The following DNAH2 variants were observed in gnomAD, a reference collection of about 807,000 sequenced individuals.
DNAH2 encodes axonemal beta dynein heavy chain 2.
A neutral mutation model predicts 523.5 loss-of-function variants in DNAH2; 323 were observed. That is an observed-to-expected ratio of 0.62 (90% CI 0.56 to 0.68). The LOEUF is 0.68. Ranked by LOEUF, DNAH2 falls within the 30% of genes least tolerant of loss-of-function variation. DNAH2 has a pLI of 0.00. For synonymous variants in DNAH2, 2,093 were observed against 2,177.4 expected (o/e 0.96, Z 1.08); for missense variants, 4,907 against 5,701.5 (o/e 0.86, Z 4.49).
At chr17:7,729,179 A>G (rs1406794226) in intron 4 of DNAH2, among the ~76,000 whole-genome samples, 1 of 152,150 alleles carries the variant, frequency 6.6e-6, no homozygotes, top group Non-Finnish European at 1.5e-5. Flanking sequence ...ATGGGAGACC[A>G]ATGAAAAACA....
In DNAH2 at chr17:7,809,027, A is replaced by G. The variant is rs946573753; in HGVS notation, c.9729+1441A>G. Reference sequence around the variant, plus strand: ...TCCAGTGGGTAGCTACAGGGACACCATCATTTATTTAACTGTTCCCCATTT... The same window carrying G: ...TCCAGTGGGTAGCTACAGGGACACCGTCATTTATTTAACTGTTCCCCATTT... On this transcript the variant is annotated intron_variant, in intron 63 of 85. Transcript: ENST00000572933. 2.0e-5 allele frequency among the ~76,000 whole-genome samples: 3 copies of G among 152,302 alleles called. No homozygotes were observed. In the East Asian group the frequency reaches 5.8e-4, roughly 29 times the overall value.
chr17:7,824,829 T>G (rs1255153494), intron 77 of DNAH2, 102 bp downstream of exon 77: 1 of 1,096,936 alleles, frequency 9.1e-7, no homozygotes, highest in Non-Finnish European at 1.2e-6. Context: ...ATGATTTGAT[T>G]GTCCTCAAAA....
intron 39 of DNAH2, among the ~76,000 whole-genome samples, chr17:7,783,324 G>A (rs2076652166): frequency 6.6e-6 from 1 of 152,100 alleles, no homozygotes; most frequent in African/African-American, 2.4e-5. Context: ...TGATCCGCCT[G>A]CCTCAGCCTC....
intron 3 of DNAH2, among the ~76,000 whole-genome samples, chr17:7,725,104 T>A (rs570520430): frequency 1.3e-5 from 2 of 151,892 alleles, no homozygotes; most frequent in East Asian, 3.9e-4. Context: ...TATTATTATT[T>A]TTTGAGACAG....
chr17:7,833,593 T>G lies in DNAH2; in HGVS notation c.*60T>G. 2 of 1,603,512 alleles carry G rather than the reference T, an allele frequency of 1.2e-6. No homozygotes were observed. On this transcript the variant is annotated 3_prime_UTR_variant, in exon 86 of 86. Coordinates refer to ENST00000572933, the MANE Select transcript of DNAH2 (RefSeq NM_020877.5). ...CAGGGACTCCAGGAGCTAAGACAGA[T>G]GTTGCACCTAGGACTGAGGCCGGAC... is the stretch of plus-strand genomic sequence containing the variant.
chr17:7,763,130 C>A (rs1160415446), intron 18 of DNAH2, among the ~76,000 whole-genome samples: 1 of 152,000 alleles, frequency 6.6e-6, no homozygotes, highest in Non-Finnish European at 1.5e-5. Context: ...TGCCCGCCAC[C>A]ACACCCAGCT....
intron 77 of DNAH2, among the ~76,000 whole-genome samples, chr17:7,826,600 C>T (rs1383330294): frequency 7.5e-6 from 1 of 133,114 alleles, no homozygotes; most frequent in Non-Finnish European, 1.5e-5. Context: ...AGCGCAGTGG[C>T]GCCATCTCGG....
Position 7,805,036 on chromosome 17 carries a change from C to T in DNAH2, c.9262C>T (p.Leu3088=). ...ACTGGCTGACAATGCCCAGAAAGAT[C>T]TAGAAGAGGCACTGCCCGCCCTGGA... ...QALADNAQKD[L]EEALPALEEA... The change falls in exon 60 of 86, where the codon CTA becomes TTA. Residue 3088 remains leucine (L), a synonymous_variant. Coordinates refer to ENST00000572933, the MANE Select transcript of DNAH2 (RefSeq NM_020877.5). The T allele has an allele frequency of 6.2e-7, 1 of 1,614,166 alleles. No homozygotes were observed. Among genetic ancestry groups the T allele is most frequent in the Non-Finnish European group, 8.5e-7 (1 of 1,180,044 alleles).
chr17:7,724,745 T>TTTTTTC (rs1479670357), intron 3 of DNAH2, among the ~76,000 whole-genome samples: 1 of 148,218 alleles, frequency 6.7e-6, no homozygotes, highest in East Asian at 2.0e-4. Flanking sequence ...TATGTTACTT[T>TTTTTTC]TTTTTTTTTT....
At position 7,727,159 on chromosome 17, in the gene DNAH2, T is replaced by G; in HGVS notation, c.266T>G (p.Leu89Arg). 6.3e-7 allele frequency: 1 copy of G among 1,596,002 alleles called. No homozygotes were observed. The highest frequency in any genetic ancestry group is 1.4e-5 in the African/African-American group (1 of 73,904). Residue 89 changes from leucine to arginine, a missense_variant, in exon 4 of 86, where the codon CTG becomes CGG. Around this residue, in one of 3 missense-constraint regions of DNAH2, gnomAD observed 2,806 missense variants for 3,190.8 expected, o/e 0.88. Transcript: ENST00000572933. ...CTTTCCCGAGCTGCGCTGACAGGAC[T>G]GGCGGATGCAGTGTGGACACAGGAG... Reference protein sequence around the residue: ...LFLSRAALTGLADAVWTQEHD... With the variant: ...LFLSRAALTGRADAVWTQEHD...
chr17:7,721,908 G>T (rs1474753237), intron 2 of DNAH2, among the ~76,000 whole-genome samples: 2 of 152,174 alleles, frequency 1.3e-5, no homozygotes, highest in African/African-American at 4.8e-5. Flanking sequence ...GAAGAGGAGT[G>T]GGGGAAGATG....
At chr17:7,774,038 C>T (rs1469986204) in intron 28 of DNAH2, among the ~76,000 whole-genome samples, 1 of 152,150 alleles carries the variant, frequency 6.6e-6, no homozygotes, top group Non-Finnish European at 1.5e-5. Context: ...CCAGAAGATT[C>T]ATTCTTACTG....
intron 12 of DNAH2, among the ~76,000 whole-genome samples, chr17:7,753,897 G>A (rs1459928671): frequency 2.0e-5 from 3 of 152,100 alleles, no homozygotes; most frequent in East Asian, 1.9e-4. Context: ...GCAGTGAGCC[G>A]AGATCGCACC....
At position 7,832,833 on chromosome 17, in the gene DNAH2, A is replaced by G. The variant is rs1345260755; in HGVS notation, c.12904-21A>G. 4 of 1,614,042 alleles carry G rather than the reference A, an allele frequency of 2.5e-6. No individual in the cohort carries two copies. The highest frequency in any genetic ancestry group is 4.5e-5 in the East Asian group (2 of 44,870). On this transcript the variant is annotated intron_variant, in intron 83 of 85. Transcript: ENST00000572933. This position sits in a 1 kb window ranked among gnomAD's most constrained non-coding sequence, Gnocchi z 4.3. ...GTTCTCCTCTTCAGGGTCCTCTCTT[A>G]TTCTCACCTTCAACCCCCAGGTTTC...
intron 35 of DNAH2, among the ~76,000 whole-genome samples, chr17:7,778,862 C>T (rs1280909700): frequency 6.6e-6 from 1 of 152,216 alleles, no homozygotes; most frequent in African/African-American, 2.4e-5. Flanking sequence ...AGCCACTGCG[C>T]CCAGCCACGT....
At chr17:7,792,101 C>T (rs2076913257) in intron 45 of DNAH2, 32 bp downstream of exon 45, 2 of 1,611,092 alleles carry the variant, frequency 1.2e-6, no homozygotes, top group African/African-American at 1.3e-5. Context: ...CCTATTTGCC[C>T]TGTTTTTCCA....
rs772614458 is a variant in DNAH2 at position 7,804,412 on chromosome 17, G to A, written c.9129G>A (p.Glu3043=). The A allele has an allele frequency of 9.9e-6, 16 of 1,614,154 alleles. No individual in the cohort carries two copies. The South Asian group carries it at 1.5e-4, about 16-fold the overall frequency. The change falls in exon 59 of 86, where the codon GAG becomes GAA. Residue 3043 remains glutamate (E), a synonymous_variant. Coordinates refer to ENST00000572933, the MANE Select transcript of DNAH2 (RefSeq NM_020877.5). ...TGGCTGAGTTCCAGAAGCAGTGTGA[G>A]GAGTACCTGGTCATCATTGTGCAGC... ...KKVAEFQKQC[E]EYLVIIVQQK...
intron 63 of DNAH2, among the ~76,000 whole-genome samples, chr17:7,810,128 A>G (rs2077473943): frequency 6.7e-6 from 1 of 149,814 alleles, no homozygotes. Context: ...CAGTGGCGCA[A>G]TCACGACTCA....
At position 7,718,624 on chromosome 17, in the gene DNAH2, T is replaced by C. The variant is rs1173697034; in HGVS notation, c.-190T>C. ...CATGACACAATTTGAAATTTATGATTGGATGACTTTTGTCCTTCTTTCTTC... is the reference window on the plus strand; with the variant it reads ...CATGACACAATTTGAAATTTATGATCGGATGACTTTTGTCCTTCTTTCTTC... On this transcript the variant is annotated 5_prime_UTR_variant, in exon 1 of 86. Transcript: ENST00000572933. 1 of 152,632 alleles carries C rather than the reference T, an allele frequency of 6.6e-6. No individual in the cohort carries two copies. Among genetic ancestry groups the C allele is most frequent in the African/African-American group, 2.4e-5 (1 of 41,446 alleles). The allele number at this position is 152,632 out of a possible 1,614,324, so 9.5% of individuals were successfully genotyped here.
Sources: gnomAD v4.1 joint callset for allele counts (sites outside exome capture counted in the v4.1 genomes callset) on GRCh38, gnomAD v4.1.1 for gene constraint, gnomAD v4.1.1 regional missense constraint, Gnocchi (gnomAD v3.1) non-coding constraint, MANE v1.5 for transcripts, NCBI Gene and HGNC (gene_info 2026-07-23, HGNC 2026-07-21) for gene names.